Variants in LSAMP observed in about 807,000 individuals in gnomAD.
The protein encoded by LSAMP is limbic system-associated membrane protein.
Under a neutral mutation model 38.6 loss-of-function variants are expected in LSAMP, and 7 were observed. The ratio of observed to expected loss-of-function variants is 0.18; its 90% CI spans 0.10 to 0.34. LSAMP has a LOEUF of 0.34. LSAMP is among the 10% of genes least tolerant of loss of function. LSAMP has a pLI of 1.00. For synonymous variants in LSAMP, 154 were observed against 166.8 expected, an observed-to-expected ratio of 0.92 and a Z score of 0.59; for missense variants, 313 against 420.0, an observed-to-expected ratio of 0.75 and a Z score of 2.23.
At chr3:116,319,824 T>C (rs891965559) in intron 1 of LSAMP, among the ~76,000 whole-genome samples, 1 of 150,132 alleles carries the variant, frequency 6.7e-6, no homozygotes, top group African/African-American at 2.5e-5. Flanking sequence ...TTAATAAAAA[T>C]GGAAAGTTTA....
intron 2 of LSAMP, chr3:116,051,229 G>T (rs570993309): frequency 1.3e-5 from 2 of 152,294 alleles, no homozygotes; most frequent in African/African-American, 4.8e-5. Flanking sequence ...GACCTCCCTT[G>T]TCAGGTTTTA....
intron 3 of LSAMP, among the ~76,000 whole-genome samples, chr3:115,886,301 G>A (rs555750399): frequency 1.3e-5 from 2 of 152,024 alleles, no homozygotes; most frequent in East Asian, 3.9e-4. Context: ...AACAGTGCAC[G>A]AGGTATGTAT....
chr3:116,083,642 A>G (rs747663882), intron 2 of LSAMP, among the ~76,000 whole-genome samples: 16 of 152,232 alleles, frequency 1.1e-4, no homozygotes, highest in Non-Finnish European at 1.9e-4. Context: ...CTGAATTTGC[A>G]GAAACCATGG....
intron 1 of LSAMP, among the ~76,000 whole-genome samples, chr3:116,144,027 G>A (rs562436402): frequency 2.6e-5 from 4 of 151,952 alleles, no homozygotes; most frequent in East Asian, 1.9e-4. Flanking sequence ...TTGCTCTGAC[G>A]AATTCTATAT....
intron 3 of LSAMP, among the ~76,000 whole-genome samples, chr3:115,911,022 T>C (rs1276484115): frequency 6.6e-6 from 1 of 152,192 alleles, no homozygotes; most frequent in Non-Finnish European, 1.5e-5. Context: ...ATAGCCTAAA[T>C]ACCCTGACAT....
chr3:115,803,931 G>A lies in LSAMP; in HGVS notation c.*6386C>T, dbSNP rs1425930742. 1 of 152,148 alleles carries A rather than the reference G, an allele frequency of 6.6e-6. No homozygotes were observed. Among genetic ancestry groups the A allele is most frequent in the African/African-American group, 2.4e-5 (1 of 41,418 alleles). 9.4% of individuals were successfully genotyped at this position (152,148 alleles called of 1,614,324 possible). On this transcript the variant is annotated 3_prime_UTR_variant, in exon 7 of 7. Coordinates refer to ENST00000490035, the MANE Select transcript of LSAMP (RefSeq NM_002338.5). Reference sequence around the variant, plus strand: ...TAATGTTTCCTTTCTTATGCACAATGTCCTCATTTGTTACATGCATAATAC... The same window carrying A: ...TAATGTTTCCTTTCTTATGCACAATATCCTCATTTGTTACATGCATAATAC...
At chr3:116,209,059 G>T (rs2046113224) in intron 1 of LSAMP, among the ~76,000 whole-genome samples, 2 of 152,212 alleles carry the variant, frequency 1.3e-5, no homozygotes, top group African/African-American at 4.8e-5. Flanking sequence ...GAGACTCCTT[G>T]GGGGTAGGAC....
chr3:116,116,063 T>C (rs1708737208), intron 1 of LSAMP, among the ~76,000 whole-genome samples: 1 of 151,252 alleles, frequency 6.6e-6, no homozygotes, highest in African/African-American at 2.4e-5. Context: ...ATTAATTGGA[T>C]GGTAGACCTC....
chr3:116,047,210 A>G (rs1941307423), intron 2 of LSAMP, among the ~76,000 whole-genome samples: 1 of 152,186 alleles, frequency 6.6e-6, no homozygotes, highest in Non-Finnish European at 1.5e-5. Flanking sequence ...CCTCTTTCAG[A>G]AGCAGTACAA....
At chr3:116,123,147 G>A (rs1708921164) in intron 1 of LSAMP, among the ~76,000 whole-genome samples, 1 of 152,152 alleles carries the variant, frequency 6.6e-6, no homozygotes, top group African/African-American at 2.4e-5. Context: ...TAAATTATTA[G>A]TGTTGGATCA....
chr3:116,433,707 A>G (rs1007498706), intron 1 of LSAMP, among the ~76,000 whole-genome samples: 1 of 152,160 alleles, frequency 6.6e-6, no homozygotes, highest in Non-Finnish European at 1.5e-5. Flanking sequence ...CAATCCTGCT[A>G]TTTAAGTAAC....
chr3:115,951,118 T>A (rs991782512), intron 3 of LSAMP, among the ~76,000 whole-genome samples: 1 of 152,060 alleles, frequency 6.6e-6, no homozygotes, highest in Non-Finnish European at 1.5e-5. Flanking sequence ...TATACAAAAA[T>A]CAACTCAAGA....
chr3:116,134,466 T>A (rs945300591), intron 1 of LSAMP, among the ~76,000 whole-genome samples: 1 of 152,210 alleles, frequency 6.6e-6, no homozygotes, highest in African/African-American at 2.4e-5. Context: ...CAAACTGTCA[T>A]AATTTTCAAT....
intron 1 of LSAMP, among the ~76,000 whole-genome samples, chr3:116,313,871 T>C (rs1330929679): frequency 6.6e-6 from 1 of 152,122 alleles, no homozygotes; most frequent in East Asian, 1.9e-4. Context: ...GGAGAATTGC[T>C]TGAACCTGGA....
intron 4 of LSAMP, among the ~76,000 whole-genome samples, chr3:115,851,911 A>G (rs1935343596): frequency 6.6e-6 from 1 of 152,152 alleles, no homozygotes; most frequent in Admixed American, 6.5e-5. Flanking sequence ...TTACCTATGC[A>G]TCTTAGTGAA....
chr3:116,419,389 AATAG>A (rs1436936002), intron 1 of LSAMP, among the ~76,000 whole-genome samples: 2 of 152,204 alleles, frequency 1.3e-5, no homozygotes, highest in Non-Finnish European at 2.9e-5. Context: ...GAAGTTATAG[AATAG>A]ATAATCCCCT....
At chr3:116,351,338 A>T (rs928133270) in intron 1 of LSAMP, among the ~76,000 whole-genome samples, 1 of 152,022 alleles carries the variant, frequency 6.6e-6, no homozygotes, top group South Asian at 2.1e-4. Context: ...CAAAAGCTAG[A>T]CATGTGAAGG....
intron 6 of LSAMP, among the ~76,000 whole-genome samples, chr3:115,812,693 AG>A (rs1933876722): frequency 6.6e-6 from 1 of 152,220 alleles, no homozygotes; most frequent in African/African-American, 2.4e-5. Flanking sequence ...AAAGCCATAG[AG>A]GGTTAGGCAG....
intron 1 of LSAMP, among the ~76,000 whole-genome samples, chr3:116,271,492 C>T (rs1405957344): frequency 2.6e-5 from 4 of 151,952 alleles, no homozygotes; most frequent in Non-Finnish European, 5.9e-5. Flanking sequence ...TATAATACTC[C>T]CAGGTTCTAT....
Sources: allele counts gnomAD v4.1 joint callset (sites outside exome capture counted in the v4.1 genomes callset), GRCh38; gene constraint gnomAD v4.1.1; transcripts MANE v1.5; gene names NCBI Gene and HGNC (gene_info 2026-07-23, HGNC 2026-07-21).